The following DNAH9 variants were observed in gnomAD, a reference collection of about 807,000 sequenced individuals.
The protein encoded by DNAH9 is dynein axonemal heavy chain 9.
Under a neutral mutation model 471.6 loss-of-function variants are expected in DNAH9, and 345 were observed. The observed-to-expected ratio is 0.73, with a 90% CI of 0.67 to 0.80. The LOEUF is 0.80. DNAH9 is among the 30% of genes least tolerant of loss of function. The pLI, the probability that DNAH9 is intolerant of heterozygous loss-of-function variation, is 0.00. For synonymous variants in DNAH9, 2,093 were observed against 2,123.6 expected, an observed-to-expected ratio of 0.99 and a Z score of 0.40; for missense variants, 5,407 against 5,609.2, an observed-to-expected ratio of 0.96 and a Z score of 1.15.
chr17:11,691,577 T>G (rs1320615964), intron 20 of DNAH9, among the ~76,000 whole-genome samples: 1 of 152,250 alleles, frequency 6.6e-6, no homozygotes, highest in African/African-American at 2.4e-5. Flanking sequence ...AACTGGTAAC[T>G]ATATTCATTC....
chr17:11,605,348 G>A (rs955970027), intron 1 of DNAH9, among the ~76,000 whole-genome samples: 1 of 152,112 alleles, frequency 6.6e-6, no homozygotes, highest in African/African-American at 2.4e-5. Context: ...TAGAATATAA[G>A]CTTCATGAGG....
intron 35 of DNAH9, among the ~76,000 whole-genome samples, chr17:11,762,770 G>GTTTTTTTTTTTTTTTTTTTTTTTTTTT (rs563544881): frequency 9.9e-5 from 9 of 90,780 alleles, no homozygotes; most frequent in African/African-American, 1.2e-4. Context: ...TTTTTTTTTT[G>GTTTTTTTTTTTTTTTTTTTTTTTTTTT]TTTTTTTTTT....
rs199573904 is a variant in DNAH9, at chr17:11,693,962, C to T, written c.4709C>T (p.Pro1570Leu). The T allele has an allele frequency of 3.1e-6, 5 of 1,614,134 alleles. No homozygotes were observed. The Admixed American group carries it at 6.7e-5, about 22-fold the overall frequency. Reference sequence around the variant, plus strand: ...AATGTAGTGCAAACCACCAACAAGCCAGGCCTGTATGAAAAGCTGGAGGAT... The same window carrying T: ...AATGTAGTGCAAACCACCAACAAGCTAGGCCTGTATGAAAAGCTGGAGGAT... ...IPNVVQTTNK[P>L]GLYEKLEDIQ... Residue 1570 changes from proline (P) to leucine (L), a missense_variant, in exon 21 of 69, where the codon CCA becomes CTA. Physicochemically the swap from Pro to Leu is moderately conservative, Grantham distance 98. Around this residue, in one of 3 missense-constraint regions of DNAH9, gnomAD observed 4,636 missense variants for 4,900.3 expected, o/e 0.95. Transcript: ENST00000262442.
chr17:11,686,298 G>A (rs998520538), intron 19 of DNAH9, among the ~76,000 whole-genome samples: 4 of 152,060 alleles, frequency 2.6e-5, no homozygotes, highest in South Asian at 2.1e-4. Flanking sequence ...CATGAGCGCC[G>A]TATTTTCATT....
At chr17:11,867,129 T>C (rs1453588732) in intron 50 of DNAH9, among the ~76,000 whole-genome samples, 2 of 152,258 alleles carry the variant, frequency 1.3e-5, no homozygotes, top group Non-Finnish European at 2.9e-5. Context: ...CGCTGGGAGC[T>C]GGAGACCAGA....
chr17:11,850,919 A>G (rs1202358742), intron 49 of DNAH9, among the ~76,000 whole-genome samples: 1 of 152,160 alleles, frequency 6.6e-6, no homozygotes. Context: ...AACAAGATAA[A>G]TGGAGGTCCC....
intron 32 of DNAH9, among the ~76,000 whole-genome samples, 169 bp from the exon 33 acceptor site, chr17:11,752,664 T>TA (rs1172874812): frequency 4.0e-5 from 6 of 151,070 alleles, no homozygotes; most frequent in East Asian, 1.9e-4. Context: ...AGCCTCCATC[T>TA]AAAAAAAAAT....
At chr17:11,693,289 G>T (rs1367984817) in intron 20 of DNAH9, among the ~76,000 whole-genome samples, 6 of 129,486 alleles carry the variant, frequency 4.6e-5, no homozygotes, top group Non-Finnish European at 9.3e-5. Context: ...CTGTCGTCCA[G>T]GCTGGAGTAC....
chr17:11,613,031 G>A (rs2072669639), intron 4 of DNAH9, among the ~76,000 whole-genome samples: 1 of 152,148 alleles, frequency 6.6e-6, no homozygotes, highest in Non-Finnish European at 1.5e-5. Flanking sequence ...GAAAAGTCCA[G>A]GTGTTAGTTT....
intron 45 of DNAH9, among the ~76,000 whole-genome samples, chr17:11,818,425 A>ATTTTTT (rs112312158): frequency 1.3e-5 from 2 of 148,470 alleles, no homozygotes; most frequent in African/African-American, 5.2e-5. Context: ...AAGACTCCGT[A>ATTTTTT]TTTAAAAAAA....
Position 11,937,566 on chromosome 17 carries a change from G to A in DNAH9, c.12660+44G>A, listed in dbSNP as rs1597850432. ...GCCTGAGGTCGTTCTGGGGGACCCC[G>A]AGGATCATAGATGCACACCTTTCTC... On this transcript the variant is annotated intron_variant, in intron 66 of 68. Coordinates refer to ENST00000262442, the MANE Select transcript of DNAH9 (RefSeq NM_001372.4). This position sits in a 1 kb window ranked among gnomAD's most constrained non-coding sequence, Gnocchi z 4.1. The A allele has an allele frequency of 1.6e-5, 25 of 1,560,552 alleles. No individual in the cohort carries two copies. Among genetic ancestry groups the A allele is most frequent in the Non-Finnish European group, 2.2e-5 (25 of 1,150,164 alleles).
chr17:11,831,574 A>C (rs1362176639), intron 48 of DNAH9, among the ~76,000 whole-genome samples: 1 of 152,114 alleles, frequency 6.6e-6, no homozygotes, highest in South Asian at 2.1e-4. Flanking sequence ...TCCAGCCCTC[A>C]GTGTAGTATT....
Position 11,822,890 on chromosome 17 carries a change from G to A in DNAH9, c.9102G>A (p.Gln3034=). 2 of 1,614,226 alleles carry A rather than the reference G, an allele frequency of 1.2e-6. No homozygotes were observed. Among genetic ancestry groups the A allele is most frequent in the Non-Finnish European group, 8.5e-7 (1 of 1,180,048 alleles). Residue 3034 remains glutamine, a synonymous_variant, in exon 48 of 69, where the codon CAG becomes CAA. Coordinates refer to ENST00000262442, the MANE Select transcript of DNAH9 (RefSeq NM_001372.4). ...CCCAGTCTTATCTGAGCAATGAACA[G>A]CGCTACAACTATACAACTCCCAAGT... ...QTSQSYLSNE[Q]RYNYTTPKSF...
At chr17:11,923,692 G>A (rs751480759) in intron 61 of DNAH9, 122 bp from the exon 62 acceptor site, 209 of 1,217,336 alleles carry the variant, frequency 1.7e-4, no homozygotes, top group Non-Finnish European at 2.3e-4. Context: ...ATGAGGTTTC[G>A]GTTATAGATT....
At position 11,644,623 on chromosome 17, in the gene DNAH9, A is replaced by T; in HGVS notation, c.1902-8A>T. On this transcript the variant is annotated splice_region_variant and splice_polypyrimidine_tract_variant and intron_variant, in intron 10 of 68. Transcript: ENST00000262442. ...TTCTGTGTCACTTTTTCTCTTTTGT[A>T]CGAGTAGTTGCATGGAATCTGCAGA... The T allele has an allele frequency of 1.9e-6, 3 of 1,598,478 alleles. No individual in the cohort carries two copies. Among genetic ancestry groups the T allele is most frequent in the Non-Finnish European group, 2.6e-6 (3 of 1,167,034 alleles).
At chr17:11,854,626 T>G (rs1042250624) in intron 50 of DNAH9, among the ~76,000 whole-genome samples, 198 bp downstream of exon 50, 1 of 152,192 alleles carries the variant, frequency 6.6e-6, no homozygotes, top group Non-Finnish European at 1.5e-5. Context: ...ACAAGACAAT[T>G]CCACTGGACC....
intron 49 of DNAH9, among the ~76,000 whole-genome samples, chr17:11,847,529 G>T (rs531328663): frequency 6.6e-6 from 1 of 152,150 alleles, no homozygotes; most frequent in South Asian, 2.1e-4. Flanking sequence ...TGGGTGTGTG[G>T]CCTTATATTT....
At chr17:11,959,659 G>T (rs1975912509) in intron 67 of DNAH9, among the ~76,000 whole-genome samples, 1 of 152,276 alleles carries the variant, frequency 6.6e-6, no homozygotes, top group South Asian at 2.1e-4. Context: ...GAAAAAACTT[G>T]CTCATCAAAT....
intron 50 of DNAH9, among the ~76,000 whole-genome samples, chr17:11,856,696 A>G (rs1009841651): frequency 2.0e-5 from 3 of 151,182 alleles, no homozygotes; most frequent in African/African-American, 7.3e-5. Flanking sequence ...ACACAGCGAG[A>G]CCCTGTCTCA....
Sources: gnomAD v4.1 joint callset for allele counts (sites outside exome capture counted in the v4.1 genomes callset) on GRCh38, gnomAD v4.1.1 for gene constraint, gnomAD v4.1.1 regional missense constraint, Gnocchi (gnomAD v3.1) non-coding constraint, MANE v1.5 for transcripts, NCBI Gene and HGNC (gene_info 2026-07-23, HGNC 2026-07-21) for gene names.